The following ITGB1BP1 variants were observed in gnomAD, a reference collection of about 807,000 sequenced individuals.
ITGB1BP1 encodes the protein integrin subunit beta 1 binding protein 1, also known as integrin beta-1-binding protein 1.
A neutral mutation model predicts 28.0 loss-of-function variants in ITGB1BP1; 20 were observed. The observed-to-expected ratio is 0.71, with a 90% CI of 0.50 to 1.04. The LOEUF is 1.04. ITGB1BP1 is among the 50% of genes least tolerant of loss of function. The probability of loss-of-function intolerance (pLI) is 0.00; values close to 1 mark genes in which losing one functional copy is unlikely to be tolerated. For synonymous variants in ITGB1BP1, 103 were observed against 89.5 expected, an observed-to-expected ratio of 1.15 and a Z score of -0.85; for missense variants, 228 against 242.5, an observed-to-expected ratio of 0.94 and a Z score of 0.40.
In ITGB1BP1 at chr2:9,415,848, G is replaced by A. The variant is rs1679061523; in HGVS notation, c.73-1592C>T. Among the ~76,000 whole-genome samples the A allele has an allele frequency of 6.6e-6, 1 of 152,236 alleles. No homozygotes were observed. Among genetic ancestry groups the A allele is most frequent in the Non-Finnish European group, 1.5e-5 (1 of 68,044 alleles). ...TGCCCTGACTGGAAACTGAGTGGCA[G>A]TCGTGTGTCTTTGTCTCATTCACAT... On this transcript the variant is annotated intron_variant, in intron 2 of 6. Coordinates refer to ENST00000355346, the MANE Select transcript of ITGB1BP1 (RefSeq NM_004763.5). This position sits in a 1 kb window ranked among gnomAD's most constrained non-coding sequence, Gnocchi z 4.1.
At chr2:9,421,921 C>A (rs2148920483) in intron 1 of ITGB1BP1, among the ~76,000 whole-genome samples, 1 of 152,212 alleles carries the variant, frequency 6.6e-6, no homozygotes, top group Non-Finnish European at 1.5e-5. Flanking sequence ...TCCAATCTGG[C>A]ACCAAGACCC....
chr2:9,407,450 A>C lies in ITGB1BP1; in HGVS notation c.530T>G (p.Leu177Arg). The C allele has an allele frequency of 1.2e-6, 2 of 1,614,202 alleles. No individual in the cohort carries two copies. Among genetic ancestry groups the C allele is most frequent in the Non-Finnish European group, 1.7e-6 (2 of 1,180,030 alleles). Residue 177 changes from leucine to arginine, a missense_variant and splice_region_variant, in exon 6 of 7, where the codon CTG (leucine) becomes CGG (arginine). Transcript: ENST00000355346. The part of the protein sequence containing the change: ...YSLWVYQCNS[L>R]EQAQAICKVL... Reference sequence around the variant, plus strand: ...CTAACCAAAGTAACGAAGTCTCACCAGGCTGTTGCACTGATAAACCCACAG... The same window carrying C: ...CTAACCAAAGTAACGAAGTCTCACCCGGCTGTTGCACTGATAAACCCACAG...
chr2:9,412,042 C>CAA (rs56249290), intron 4 of ITGB1BP1: 1,683 of 229,142 alleles, frequency 7.3e-3, no homozygotes, highest in East Asian at 0.012. Flanking sequence ...AACTTGGTCT[C>CAA]AAAAAAAAAA....
chr2:9,414,730 A>G (rs1386255725), intron 2 of ITGB1BP1, among the ~76,000 whole-genome samples: 2 of 152,192 alleles, frequency 1.3e-5, no homozygotes, highest in Non-Finnish European at 2.9e-5. Flanking sequence ...AAATGGCTCC[A>G]ATCTCAAACC....
chr2:9,422,809 G>C (rs917244756), intron 1 of ITGB1BP1: 2 of 986,044 alleles, frequency 2.0e-6, no homozygotes, highest in African/African-American at 3.5e-5. Context: ...GACCAGCAAG[G>C]CTGCAGGATA....
In ITGB1BP1 at chr2:9,406,906, C is replaced by A; in HGVS notation, c.532-1G>T. ...CCTTGCAAATGGCTTGTGCTTGTTC[C>A]TACATTACATGAAAGATAGAGTAAG... On this transcript the variant is annotated splice_acceptor_variant, in intron 6 of 6. Transcript: ENST00000355346. LOFTEE classifies it high-confidence loss of function. The A allele has an allele frequency of 6.2e-7, 1 of 1,607,928 alleles. No homozygotes were observed. The highest frequency in any genetic ancestry group is 8.5e-7 in the Non-Finnish European group (1 of 1,174,362).
Position 9,404,231 on chromosome 2 carries a change from C to T in ITGB1BP1, c.*2603G>A, listed in dbSNP as rs1156715955. The T allele has an allele frequency of 6.6e-6, 1 of 152,238 alleles. No homozygotes were observed. The highest frequency in any genetic ancestry group is 2.4e-5 in the African/African-American group (1 of 41,460). 9.4% of individuals were successfully genotyped at this position (152,238 alleles called of 1,614,324 possible). A position where few individuals can be genotyped will look rare whatever the true frequency, so the allele number is the denominator to read the frequency against. Reference sequence around the variant, plus strand: ...TTCCTACTGAGTGTACCACTGCCTTCCCTTCTAGCCCAGGAGAATGTTTAC... The same window carrying T: ...TTCCTACTGAGTGTACCACTGCCTTTCCTTCTAGCCCAGGAGAATGTTTAC... On this transcript the variant is annotated 3_prime_UTR_variant, in exon 7 of 7. Coordinates refer to ENST00000355346, the MANE Select transcript of ITGB1BP1 (RefSeq NM_004763.5).
intron 3 of ITGB1BP1, 38 bp downstream of exon 3, chr2:9,414,140 A>G: frequency 6.5e-7 from 1 of 1,541,500 alleles, no homozygotes; most frequent in Non-Finnish European, 9.0e-7. Context: ...ACATCAATGA[A>G]AAGCGCAGAC....
intron 4 of ITGB1BP1, among the ~76,000 whole-genome samples, chr2:9,409,822 G>C (rs1189087325): frequency 6.7e-6 from 1 of 149,142 alleles, no homozygotes; most frequent in African/African-American, 2.5e-5. Context: ...AATTATACTT[G>C]TCCAAACTAC....
intron 1 of ITGB1BP1, 97 bp from the exon 2 acceptor site, chr2:9,418,829 T>G (rs1049373997): frequency 2.4e-6 from 2 of 826,640 alleles, no homozygotes. Flanking sequence ...CAGGCTGGAG[T>G]GCAGTGGCAC....
At chr2:9,412,932 C>T (rs1678637310) in intron 3 of ITGB1BP1, among the ~76,000 whole-genome samples, 1 of 152,166 alleles carries the variant, frequency 6.6e-6, no homozygotes, top group South Asian at 2.1e-4. Flanking sequence ...CTCTATCGTT[C>T]CATCAGAAAG....
At chr2:9,416,334 G>A (rs901826557) in intron 2 of ITGB1BP1, among the ~76,000 whole-genome samples, 3 of 152,090 alleles carry the variant, frequency 2.0e-5, no homozygotes, top group Admixed American at 1.3e-4. Context: ...AGACATTGCC[G>A]TGAAGGTGTT....
rs1355671365 is a variant in ITGB1BP1 at position 9,423,368 on chromosome 2, C to T, written c.-36+5G>A. On this transcript the variant is annotated splice_donor_5th_base_variant and intron_variant, in intron 1 of 6. Transcript: ENST00000355346. ...CCCCAAGCGGGACGAGGGCTGGGCG[C>T]TCACCTCGCAGCCGCGGGCCCATCC... 2.6e-6 allele frequency: 3 copies of T among 1,171,752 alleles called. No individual in the cohort carries two copies. Among genetic ancestry groups the T allele is most frequent in the Middle Eastern group, 3.7e-4 (1 of 2,684 alleles). 72.6% of individuals were successfully genotyped at this position (1,171,752 alleles called of 1,614,324 possible). A position where few individuals can be genotyped will look rare whatever the true frequency, so the allele number is the denominator to read the frequency against.
At chr2:9,407,338 GC>G in intron 6 of ITGB1BP1, 110 bp downstream of exon 6, 1 of 1,237,770 alleles carries the variant, frequency 8.1e-7, no homozygotes, top group Non-Finnish European at 1.1e-6. Flanking sequence ...CTATCCCCAG[GC>G]CAAGATATTC....
rs1678971407 is a variant in ITGB1BP1, at chr2:9,415,246, G to T, written c.73-990C>A. ...ATACAAAAATTAGCTGGGCATGGTG[G>T]CGGGCACTTATAATCCTAGCTACTC... On this transcript the variant is annotated intron_variant, in intron 2 of 6. Transcript: ENST00000355346. This position sits in a 1 kb window ranked among gnomAD's most constrained non-coding sequence, Gnocchi z 4.1. Among the ~76,000 whole-genome samples the T allele has an allele frequency of 6.6e-6, 1 of 152,176 alleles. No homozygotes were observed. The highest frequency in any genetic ancestry group is 2.4e-5 in the African/African-American group (1 of 41,436).
intron 1 of ITGB1BP1, 168 bp downstream of exon 1, chr2:9,423,205 C>G: frequency 9.3e-7 from 1 of 1,079,942 alleles, no homozygotes; most frequent in South Asian, 2.0e-5. Context: ...CCACCCGCGC[C>G]CCGGGAGCGC....
At position 9,406,915 on chromosome 2, in the gene ITGB1BP1, A is replaced by G. The variant is rs773428432; in HGVS notation, c.532-10T>C. ...TGGCTTGTGCTTGTTCCTACATTAC[A>G]TGAAAGATAGAGTAAGAGCAACATT... is the stretch of plus-strand genomic sequence containing the variant. On this transcript the variant is annotated splice_polypyrimidine_tract_variant and intron_variant, in intron 6 of 6. Coordinates refer to ENST00000355346, the MANE Select transcript of ITGB1BP1 (RefSeq NM_004763.5). 2.5e-6 allele frequency: 4 copies of G among 1,600,816 alleles called. No homozygotes were observed. Among genetic ancestry groups the G allele is most frequent in the Admixed American group, 1.7e-5 (1 of 60,012 alleles).
At chr2:9,412,622 G>A (rs1678588560) in intron 3 of ITGB1BP1, 4 of 435,222 alleles carry the variant, frequency 9.2e-6, no homozygotes, top group Non-Finnish European at 1.6e-5. Context: ...GTATACAAAG[G>A]TCTCAATAAT....
Position 9,407,539 on chromosome 2 carries a change from A to G in ITGB1BP1, c.441T>C (p.Gly147=). The G allele has an allele frequency of 6.2e-7, 1 of 1,614,084 alleles. No homozygotes were observed. The highest frequency in any genetic ancestry group is 1.1e-5 in the South Asian group (1 of 91,082). Residue 147 remains glycine (G), a synonymous_variant, in exon 6 of 7, where the codon GGT becomes GGC. Transcript: ENST00000355346. ...CCAGTAAGCTTTTTCCCGCCCCCAG[A>G]CCGTCATCGTAACACACCATCCGGA... ...LIIRMVCYDD[G]LGAGKSLLAL... is the part of the protein sequence containing the mutation.
Sources: gnomAD v4.1 joint callset for allele counts (sites outside exome capture counted in the v4.1 genomes callset) on GRCh38, gnomAD v4.1.1 for gene constraint, Gnocchi (gnomAD v3.1) non-coding constraint, MANE v1.5 for transcripts, NCBI Gene and HGNC (gene_info 2026-07-23, HGNC 2026-07-21) for gene names.